CNN3: variants seen among roughly 807,000 people sequenced by gnomAD.
CNN3 encodes the protein calponin 3, also known as calponin-3.
In CNN3, 11 loss-of-function variants were observed where a neutral mutation model predicts 39.0. The observed-to-expected ratio is 0.28, with a 90% CI of 0.18 to 0.47. The LOEUF (loss-of-function observed/expected upper bound fraction) is 0.47. Among genes scored for constraint, CNN3 ranks in the 20% least tolerant of loss-of-function variants. The probability of loss-of-function intolerance (pLI) is 0.99; values close to 1 mark genes in which losing one functional copy is unlikely to be tolerated. For missense variants in CNN3, 266 were observed against 403.4 expected (o/e 0.66, Z 2.92); for synonymous variants, 101 against 138.3 (o/e 0.73, Z 1.89).
At chr1:94,899,595 A>T in intron 5 of CNN3, 78 bp from the exon 6 acceptor site, 1 of 1,466,814 alleles carries the variant, frequency 6.8e-7, no homozygotes, top group African/African-American at 1.4e-5. Flanking sequence ...TTTCCATGCT[A>T]CCAAAAAGAC....
chr1:94,925,630 T>C lies in CNN3; in HGVS notation c.57+1208A>G, dbSNP rs1478902404. Reference sequence around the variant, plus strand: ...GGGGTTTGACAACGGTGCGCTTCATTACCTCTTTACATAATTCGCTTCACA... The same window carrying C: ...GGGGTTTGACAACGGTGCGCTTCATCACCTCTTTACATAATTCGCTTCACA... On this transcript the variant is annotated intron_variant, in intron 1 of 6. Transcript: ENST00000370206. The C allele has an allele frequency of 3.0e-6, 3 of 985,284 alleles. No individual in the cohort carries two copies. The African/African-American group carries it at 5.2e-5, about 17-fold the overall frequency. The allele number at this position is 985,284 out of a possible 1,614,324, so 61.0% of individuals were successfully genotyped here.
At chr1:94,922,559 T>C (rs1190026774) in intron 1 of CNN3, among the ~76,000 whole-genome samples, 1 of 152,138 alleles carries the variant, frequency 6.6e-6, no homozygotes, top group Non-Finnish European at 1.5e-5. Context: ...AAAAACCAAT[T>C]TCTGAACTTC....
chr1:94,899,439 G>C lies in CNN3; in HGVS notation c.580C>G (p.Gln194Glu). ...GTCTGGTCAAAAGGTTTGTCAGTTT[G>C]CATTTTGGGATCATAAAGATGCCTC... is the stretch of plus-strand genomic sequence containing the variant. ...TRRHLYDPKM[Q>E]TDKPFDQTTI... The change falls in exon 6 of 7, where the codon CAA becomes GAA. Residue 194 changes from glutamine (Q) to glutamate (E), a missense_variant. By Grantham distance (29) the Gln-to-Glu change is conservative (BLOSUM62 2). Coordinates refer to ENST00000370206, the MANE Select transcript of CNN3 (RefSeq NM_001839.5). 6.2e-7 allele frequency: 1 copy of C among 1,614,040 alleles called. No homozygotes were observed. Among genetic ancestry groups the C allele is most frequent in the Non-Finnish European group, 8.5e-7 (1 of 1,179,974 alleles).
chr1:94,906,406 A>G (rs1353130773), intron 1 of CNN3, among the ~76,000 whole-genome samples: 1 of 152,234 alleles, frequency 6.6e-6, no homozygotes, highest in Admixed American at 6.5e-5. Flanking sequence ...CAAAGAAGAA[A>G]AGGAGAAAAG....
At chr1:94,918,524 G>A (rs1167529369) in intron 1 of CNN3, among the ~76,000 whole-genome samples, 3 of 146,374 alleles carry the variant, frequency 2.0e-5, no homozygotes, top group African/African-American at 5.0e-5. Context: ...AAAAAAAGTC[G>A]GCAAGGGGTG....
rs970773663 is a variant in CNN3, at chr1:94,903,578, G to A, written c.58-54C>T. On this transcript the variant is annotated intron_variant, in intron 1 of 6. Transcript: ENST00000370206. ...GAATTTCACAAAAGCATCAGAAACT[G>A]CCGACTCACAACGCGCTCTGCTTTC... 31 of 1,608,364 alleles carry A rather than the reference G, an allele frequency of 1.9e-5. No individual in the cohort carries two copies. The African/African-American group carries it at 4.0e-4, about 21-fold the overall frequency.
In CNN3 at chr1:94,901,710, C is replaced by G. The variant is rs1481948282; in HGVS notation, c.460G>C (p.Glu154Gln). Residue 154 changes from glutamate to glutamine, a missense_variant, in exon 5 of 7, where the codon GAA becomes CAA. By Grantham distance (29) the Glu-to-Gln change is conservative. Coordinates refer to ENST00000370206, the MANE Select transcript of CNN3 (RefSeq NM_001839.5). The part of the protein sequence containing the change: ...YAEKQTRRFD[E>Q]GKLKAGQSVI... ...CTTTGGCCAGCTTTTAATTTTCCTT[C>G]ATCAAAACGTCTTGTTTGTTTTTCT... 6.2e-7 allele frequency: 1 copy of G among 1,613,950 alleles called. No individual in the cohort carries two copies. The highest frequency in any genetic ancestry group is 8.5e-7 in the Non-Finnish European group (1 of 1,179,982).
intron 1 of CNN3, among the ~76,000 whole-genome samples, chr1:94,917,639 A>C (rs909029485): frequency 6.6e-6 from 1 of 152,266 alleles, no homozygotes; most frequent in Admixed American, 6.5e-5. Flanking sequence ...TTTCTACACA[A>C]GTACTTTTAA....
chr1:94,900,783 C>T (rs899320869), intron 5 of CNN3, among the ~76,000 whole-genome samples: 5 of 152,172 alleles, frequency 3.3e-5, no homozygotes, highest in African/African-American at 1.2e-4. Flanking sequence ...AACATCTGAA[C>T]TACGTATTTC....
chr1:94,913,487 A>T (rs962110344), intron 1 of CNN3, among the ~76,000 whole-genome samples: 6 of 152,234 alleles, frequency 3.9e-5, no homozygotes, highest in Admixed American at 3.9e-4. Context: ...AATCAAAGGA[A>T]GTCAGTTACC....
chr1:94,906,739 T>C (rs879715766), intron 1 of CNN3, among the ~76,000 whole-genome samples: 1 of 152,250 alleles, frequency 6.6e-6, no homozygotes, highest in Non-Finnish European at 1.5e-5. Flanking sequence ...TTTTCTCGTT[T>C]CTTCAAATGT....
chr1:94,917,499 T>C (rs963932496), intron 1 of CNN3, among the ~76,000 whole-genome samples: 1 of 152,166 alleles, frequency 6.6e-6, no homozygotes, highest in African/African-American at 2.4e-5. Context: ...CTAAAACAAG[T>C]TACTTTTTTC....
At chr1:94,924,712 G>A (rs1671535849) in intron 1 of CNN3, among the ~76,000 whole-genome samples, 2 of 152,196 alleles carry the variant, frequency 1.3e-5, no homozygotes, top group Non-Finnish European at 2.9e-5. Context: ...CTAAGACATC[G>A]CTTTTAGAGT....
At chr1:94,918,494 AAAAAAAATAAAAT>A (rs568137530) in intron 1 of CNN3, among the ~76,000 whole-genome samples, 27,988 of 73,150 alleles carry the variant, frequency 0.38, 3,999 homozygotes, top group Non-Finnish European at 0.47. Context: ...ACTGTCTCCC[AAAAAAAATAAAAT>A]AAAAAAAAAA....
intron 1 of CNN3, among the ~76,000 whole-genome samples, chr1:94,905,617 T>G (rs1460894599): frequency 6.6e-6 from 1 of 152,260 alleles, no homozygotes; most frequent in Non-Finnish European, 1.5e-5. Context: ...GATAATTGAT[T>G]TGAACTGTAG....
rs533043431 is a variant in CNN3, at chr1:94,903,005, G to A, written c.246+117C>T. 2.0e-4 allele frequency: 145 copies of A among 716,412 alleles called. 1 individual carries two copies. The African/African-American group carries it at 2.4e-3, about 12-fold the overall frequency. 44.4% of individuals were successfully genotyped at this position (716,412 alleles called of 1,614,324 possible). On this transcript the variant is annotated intron_variant, in intron 3 of 6. Coordinates refer to ENST00000370206, the MANE Select transcript of CNN3 (RefSeq NM_001839.5). ...CTGCTACAATGTCTATGTAAAAACC[G>A]TAATCAAAAAGTTAAAAAAAAAAAA...
At chr1:94,899,631 T>TGA in intron 5 of CNN3, 114 bp from the exon 6 acceptor site, 1 of 1,060,942 alleles carries the variant, frequency 9.4e-7, no homozygotes, top group South Asian at 1.7e-5. Context: ...GACAAGTTAC[T>TGA]GAGCTGAGGC....
Position 94,898,096 on chromosome 1 carries a change from C to G in CNN3, c.649-13G>C. ...CTAACATCCCTGCCTGGTATTAGAACATAGTATAAAAGTTAAAACAGCAGC... is the reference window on the plus strand; with the variant it reads ...CTAACATCCCTGCCTGGTATTAGAAGATAGTATAAAAGTTAAAACAGCAGC... On this transcript the variant is annotated splice_polypyrimidine_tract_variant and intron_variant, in intron 6 of 6. Transcript: ENST00000370206. 6.2e-7 allele frequency: 1 copy of G among 1,606,828 alleles called. No homozygotes were observed. The highest frequency in any genetic ancestry group is 8.5e-7 in the Non-Finnish European group (1 of 1,175,156).
At chr1:94,898,567 T>C (rs1317494996) in intron 6 of CNN3, among the ~76,000 whole-genome samples, 1 of 152,104 alleles carries the variant, frequency 6.6e-6, no homozygotes, top group African/African-American at 2.4e-5. Flanking sequence ...AGGACTTGAG[T>C]CTTTTCAAAA....
Sources: allele counts gnomAD v4.1 joint callset (sites outside exome capture counted in the v4.1 genomes callset), GRCh38; gene constraint gnomAD v4.1.1; transcripts MANE v1.5; gene names NCBI Gene and HGNC (gene_info 2026-07-23, HGNC 2026-07-21).